The following NRDE2 variants were observed in gnomAD, a reference collection of about 807,000 sequenced individuals.
NRDE2 encodes NRDE-2, necessary for RNA interference, domain containing, also known as nuclear exosome regulator NRDE2.
NRDE2 carries 76 observed loss-of-function variants against 124.2 expected under a neutral mutation model. That is an observed-to-expected ratio of 0.61 (90% CI 0.51 to 0.74). NRDE2 has a LOEUF of 0.74. Ranked by LOEUF, NRDE2 falls within the 30% of genes least tolerant of loss-of-function variation. The probability of loss-of-function intolerance (pLI) is 0.00; values close to 1 mark genes in which losing one functional copy is unlikely to be tolerated. For missense variants in NRDE2, 1,314 were observed against 1,417.3 expected (o/e 0.93, Z 1.17); for synonymous variants, 489 against 528.1 (o/e 0.93, Z 1.01).
At chr14:90,314,811 T>C (rs913789923) in intron 3 of NRDE2, among the ~76,000 whole-genome samples, 4 of 152,164 alleles carry the variant, frequency 2.6e-5, no homozygotes, top group African/African-American at 4.8e-5. Flanking sequence ...GCCTGATTCC[T>C]ACCCTCAAAA....
chr14:90,307,617 G>A (rs887990316), intron 4 of NRDE2, among the ~76,000 whole-genome samples: 3 of 151,874 alleles, frequency 2.0e-5, no homozygotes, highest in East Asian at 1.9e-4. Flanking sequence ...CAAGCGATCC[G>A]CCCGCCTCAG....
At position 90,276,217 on chromosome 14, in the gene NRDE2, G is replaced by GT. The variant is rs371098585; in HGVS notation, c.*2118dup. On this transcript the variant is annotated 3_prime_UTR_variant, in exon 14 of 14. Coordinates refer to ENST00000354366, the MANE Select transcript of NRDE2 (RefSeq NM_017970.4). ...TCATGTCAGCAATCTCAAACGGGCT[G>GT]TTTTTTTTTTTTTTTTTTCGAGACG... The GT allele has an allele frequency of 0.022, 2,561 of 118,658 alleles. 220 individuals carry two copies. The highest frequency in any genetic ancestry group is 0.075 in the African/African-American group (2,247 of 29,924). 7.4% of individuals were successfully genotyped at this position (118,658 alleles called of 1,614,324 possible).
At chr14:90,306,326 C>T (rs1884600618) in intron 4 of NRDE2, among the ~76,000 whole-genome samples, 1 of 152,326 alleles carries the variant, frequency 6.6e-6, no homozygotes, top group East Asian at 1.9e-4. Flanking sequence ...CTAAGTGCCT[C>T]TGCCCTCCTC....
intron 6 of NRDE2, chr14:90,301,640 GA>G: frequency 6.7e-6 from 3 of 446,506 alleles, no homozygotes; most frequent in South Asian, 3.7e-5. Context: ...AATAAGTCAA[GA>G]GGTTGGTCTG....
intron 4 of NRDE2, chr14:90,304,590 T>TC (rs1352287952): frequency 1.2e-5 from 6 of 518,960 alleles, no homozygotes; most frequent in Admixed American, 3.4e-5. Context: ...CTATAACACT[T>TC]CAACTCTTCT....
intron 7 of NRDE2, among the ~76,000 whole-genome samples, chr14:90,299,259 G>T (rs961255021): frequency 6.6e-6 from 1 of 152,042 alleles, no homozygotes; most frequent in Non-Finnish European, 1.5e-5. Flanking sequence ...CGTTGGTCAG[G>T]CTGGTCTCCA....
In NRDE2 at chr14:90,289,149, C is replaced by T; in HGVS notation, c.2230-4G>A. The T allele has an allele frequency of 1.3e-6, 2 of 1,586,998 alleles. No homozygotes were observed. Among genetic ancestry groups the T allele is most frequent in the Non-Finnish European group, 1.7e-6 (2 of 1,162,280 alleles). Reference sequence around the variant, plus strand: ...TAGTGTGCAGGCACCAAATGACCTACAGGGAAAAAGAGAAGAATGACTGCA... The same window carrying T: ...TAGTGTGCAGGCACCAAATGACCTATAGGGAAAAAGAGAAGAATGACTGCA... On this transcript the variant is annotated splice_region_variant and splice_polypyrimidine_tract_variant and intron_variant, in intron 10 of 13. Transcript: ENST00000354366.
rs1891697435 is a variant in NRDE2, at chr14:90,272,549, T to G, written c.*5787A>C. Reference sequence around the variant, plus strand: ...ATCCTGTGTCTTTTGGAGTACGATGTGTAAGTGCCCATTGGGTGGCCTGTT... The same window carrying G: ...ATCCTGTGTCTTTTGGAGTACGATGGGTAAGTGCCCATTGGGTGGCCTGTT... On this transcript the variant is annotated 3_prime_UTR_variant, in exon 14 of 14. Coordinates refer to ENST00000354366, the MANE Select transcript of NRDE2 (RefSeq NM_017970.4). The surrounding 1 kb of genome is among the most constrained non-coding windows in gnomAD (Gnocchi z 4.5). 1.7e-6 allele frequency: 1 copy of G among 595,660 alleles called. No homozygotes were observed. Among genetic ancestry groups the G allele is most frequent in the Non-Finnish European group, 3.0e-6 (1 of 333,450 alleles). The allele number at this position is 595,660 out of a possible 1,614,324, so 36.9% of individuals were successfully genotyped here. A position where few individuals can be genotyped will look rare whatever the true frequency, so the allele number is the denominator to read the frequency against.
rs1436840488 is a variant in NRDE2 at position 90,316,615 on chromosome 14, C to T, written c.370G>A (p.Gly124Ser). Reference protein sequence around the residue: ...TDSEKDKPSRGVGGSKKESEE... With the variant: ...TDSEKDKPSRSVGGSKKESEE... ...GATTCCTTTTTACTGCCTCCAACGC[C>T]TCTGGAAGGTTTGTCCTTTTCAGAA... is the stretch of plus-strand genomic sequence containing the variant. The change falls in exon 3 of 14, where the codon GGC becomes AGC. Residue 124 changes from glycine (G) to serine (S), a missense_variant. Gly to Ser is a moderately conservative substitution (Grantham distance 56, BLOSUM62 0). Transcript: ENST00000354366. 2 of 1,614,070 alleles carry T rather than the reference C, an allele frequency of 1.2e-6. No homozygotes were observed. The highest frequency in any genetic ancestry group is 1.7e-6 in the Non-Finnish European group (2 of 1,180,010).
chr14:90,306,871 A>G (rs1410142981), intron 4 of NRDE2, among the ~76,000 whole-genome samples: 3 of 152,086 alleles, frequency 2.0e-5, no homozygotes, highest in African/African-American at 7.2e-5. Flanking sequence ...TAAGGAACAA[A>G]CTTTAAGTTA....
chr14:90,294,007 A>G (rs1047370206), intron 8 of NRDE2, among the ~76,000 whole-genome samples: 5 of 152,232 alleles, frequency 3.3e-5, no homozygotes, highest in African/African-American at 1.2e-4. Context: ...ACTCAGAAGC[A>G]GCTTCATGCA....
intron 13 of NRDE2, 176 bp from the exon 14 acceptor site, chr14:90,278,637 G>A (rs79334826): frequency 0.18 from 127,419 of 709,294 alleles, 12,812 homozygotes; most frequent in South Asian, 0.22. Flanking sequence ...TGTTCAGGAA[G>A]GACACTGAAC....
chr14:90,329,611 C>T (rs1381056973), intron 1 of NRDE2, among the ~76,000 whole-genome samples: 2 of 151,602 alleles, frequency 1.3e-5, no homozygotes, highest in African/African-American at 2.4e-5. Flanking sequence ...CCGAGGTGGG[C>T]GGATTATCTA....
At position 90,268,008 on chromosome 14, in the gene NRDE2, T is replaced by A; in HGVS notation, c.*10328A>T. 2.3e-6 allele frequency: 1 copy of A among 437,674 alleles called. No homozygotes were observed. Among genetic ancestry groups the A allele is most frequent in the South Asian group, 5.6e-5 (1 of 17,766 alleles). The allele number at this position is 437,674 out of a possible 1,614,324, so 27.1% of individuals were successfully genotyped here. A position where few individuals can be genotyped will look rare whatever the true frequency, so the allele number is the denominator to read the frequency against. ...TGACGTTATCATAAGTTCAGCAAAA[T>A]AGCTAAGGATAATCCAAACATGTTA... On this transcript the variant is annotated 3_prime_UTR_variant, in exon 14 of 14. Transcript: ENST00000354366.
Position 90,306,741 on chromosome 14 carries a change from C to CA in NRDE2, c.558-2360dup, listed in dbSNP as rs202218312. Reference sequence around the variant, plus strand: ...AGGAGAATCACTTGAACCCAGGAGGCAGAGGTTGCAGTGAGCCGGGCTCAA... The same window carrying CA: ...AGGAGAATCACTTGAACCCAGGAGGCAAGAGGTTGCAGTGAGCCGGGCTCAA... On this transcript the variant is annotated intron_variant, in intron 4 of 13. Coordinates refer to ENST00000354366, the MANE Select transcript of NRDE2 (RefSeq NM_017970.4). 7.2e-3 allele frequency among the ~76,000 whole-genome samples: 1,086 copies of CA among 151,366 alleles called. 20 individuals are homozygous for CA. Among genetic ancestry groups the CA allele is most frequent in the African/African-American group, 0.026 (1,053 of 41,194 alleles).
At chr14:90,295,222 A>C (rs1884098719) in intron 8 of NRDE2, among the ~76,000 whole-genome samples, 1 of 152,224 alleles carries the variant, frequency 6.6e-6, no homozygotes, top group Non-Finnish European at 1.5e-5. Context: ...ACCTCTGGGT[A>C]CATTTTTTCT....
At chr14:90,315,001 A>C (rs1566698606) in intron 3 of NRDE2, among the ~76,000 whole-genome samples, 1 of 149,994 alleles carries the variant, frequency 6.7e-6, no homozygotes. Context: ...ACATGGAAAA[A>C]CCCCGTCTCT....
chr14:90,270,092 T>C lies in NRDE2; in HGVS notation c.*8244A>G. 3 of 1,201,228 alleles carry C rather than the reference T, an allele frequency of 2.5e-6. No individual in the cohort carries two copies. The highest frequency in any genetic ancestry group is 3.5e-6 in the Non-Finnish European group (3 of 866,750). 74.4% of individuals were successfully genotyped at this position (1,201,228 alleles called of 1,614,324 possible). On this transcript the variant is annotated 3_prime_UTR_variant, in exon 14 of 14. Transcript: ENST00000354366. Reference sequence around the variant, plus strand: ...TTTAGACATCCTTCCCACAGAATTCTGTCCGACTGAAACTTCGTATGTAAG... The same window carrying C: ...TTTAGACATCCTTCCCACAGAATTCCGTCCGACTGAAACTTCGTATGTAAG...
intron 13 of NRDE2, chr14:90,278,848 T>TC (rs1891873883): frequency 3.3e-6 from 2 of 614,852 alleles, no homozygotes; most frequent in Non-Finnish European, 5.9e-6. Flanking sequence ...CGGCAACACT[T>TC]CCATGAAGCA....
Sources: allele counts gnomAD v4.1 joint callset (sites outside exome capture counted in the v4.1 genomes callset), GRCh38; gene constraint gnomAD v4.1.1; non-coding constraint Gnocchi (gnomAD v3.1); transcripts MANE v1.5; gene names NCBI Gene and HGNC (gene_info 2026-07-23, HGNC 2026-07-21).